The following PRDM1 variants were observed in gnomAD, a reference collection of about 807,000 sequenced individuals.
The protein encoded by PRDM1 is PR domain zinc finger protein 1.
A neutral mutation model predicts 62.8 loss-of-function variants in PRDM1; 13 were observed. That is an observed-to-expected ratio of 0.21 (90% CI 0.13 to 0.33). The LOEUF (loss-of-function observed/expected upper bound fraction) is 0.33. Among genes scored for constraint, PRDM1 ranks in the 10% least tolerant of loss-of-function variants. The pLI is 1.00. For synonymous variants in PRDM1, 396 were observed against 417.6 expected (o/e 0.95, Z 0.63); for missense variants, 895 against 1,058.8 (o/e 0.85, Z 2.15).
At chr6:106,098,712 C>T in intron 3 of PRDM1, 3 of 1,389,666 alleles carry the variant, frequency 2.2e-6, no homozygotes, top group Non-Finnish European at 2.9e-6. Flanking sequence ...CCCAGTGTTT[C>T]CACAAAAAGG....
At chr6:106,000,623 T>C (rs1312532214) in intron 1 of PRDM1, among the ~76,000 whole-genome samples, 1 of 152,066 alleles carries the variant, frequency 6.6e-6, no homozygotes, top group Non-Finnish European at 1.5e-5. Context: ...TATATTTGTA[T>C]GTATAGTAAT....
chr6:106,067,896 TA>T (rs1253631843), intron 1 of PRDM1, among the ~76,000 whole-genome samples: 13 of 152,200 alleles, frequency 8.5e-5, no homozygotes, highest in East Asian at 7.7e-4. Flanking sequence ...TAAACCACAA[TA>T]AAAAAATGTA....
At chr6:106,078,128 G>A (rs1418021406) in intron 1 of PRDM1, 2 of 152,222 alleles carry the variant, frequency 1.3e-5, no homozygotes, top group African/African-American at 4.8e-5. Flanking sequence ...TCCCTGCTGG[G>A]TGCTGCCAGA....
Position 106,107,933 on chromosome 6 carries a change from A to G in PRDM1, c.*447A>G. On this transcript the variant is annotated 3_prime_UTR_variant, in exon 7 of 7. Transcript: ENST00000369096. ...GAAAGATTCCTTGTAATTTGAGTAT[A>G]AATGTATTTTTGTCTTGTGGCCATT... The G allele has an allele frequency of 4.3e-6, 1 of 232,418 alleles. No individual in the cohort carries two copies. The highest frequency in any genetic ancestry group is 8.5e-6 in the Non-Finnish European group (1 of 117,342). The allele number at this position is 232,418 out of a possible 1,614,324, so 14.4% of individuals were successfully genotyped here. A position where few individuals can be genotyped will look rare whatever the true frequency, so the allele number is the denominator to read the frequency against.
chr6:106,077,340 G>C (rs1470879468), intron 1 of PRDM1, among the ~76,000 whole-genome samples: 1 of 152,164 alleles, frequency 6.6e-6, no homozygotes, highest in Non-Finnish European at 1.5e-5. Context: ...TAGCCTGGTA[G>C]GTAGAAGACC....
chr6:106,037,170 G>A (rs1038447364), intron 1 of PRDM1, among the ~76,000 whole-genome samples: 3 of 152,190 alleles, frequency 2.0e-5, no homozygotes, highest in African/African-American at 7.2e-5. Context: ...ATTCTTGGCT[G>A]AGGGTTTTTG....
chr6:106,004,305 GA>G (rs1220478914), intron 1 of PRDM1, among the ~76,000 whole-genome samples: 5 of 151,284 alleles, frequency 3.3e-5, no homozygotes, highest in Non-Finnish European at 5.9e-5. Context: ...ATTGAGGGTA[GA>G]AAAAAAACAG....
rs534763315 is a variant in PRDM1 at position 106,108,278 on chromosome 6, C to G, written c.*792C>G. 4.3e-6 allele frequency: 1 copy of G among 233,684 alleles called. No homozygotes were observed. Among genetic ancestry groups the G allele is most frequent in the Non-Finnish European group, 8.5e-6 (1 of 117,990 alleles). 14.5% of individuals were successfully genotyped at this position (233,684 alleles called of 1,614,324 possible). ...CGGAAGGGTGACAGGAAGGCTTTAC[C>G]AACCTGTCTCTCCCTCCAAAAGAGC... On this transcript the variant is annotated 3_prime_UTR_variant, in exon 7 of 7. Coordinates refer to ENST00000369096, the MANE Select transcript of PRDM1 (RefSeq NM_001198.4).
Position 106,069,395 on chromosome 6 carries a change from C to T in PRDM1, c.-66-18806C>T, listed in dbSNP as rs543798017. On this transcript the variant is annotated intron_variant, in intron 1 of 6. Coordinates refer to the PRDM1 transcript ENST00000651185. ...GTAGACTCATGCAACTCCAAAGTGG[C>T]GTTAAGTGTTAATAAATGAAAGCAT... 3.3e-4 allele frequency among the ~76,000 whole-genome samples: 50 copies of T among 152,028 alleles called. 1 individual carries two copies. Among genetic ancestry groups the T allele is most frequent in the Middle Eastern group, 6.8e-3 (2 of 294 alleles).
chr6:106,023,853 T>A (rs1310895076), intron 1 of PRDM1, among the ~76,000 whole-genome samples: 3 of 152,062 alleles, frequency 2.0e-5, no homozygotes, highest in African/African-American at 7.2e-5. Context: ...TTCAGAAAAA[T>A]TAGATTGGCC....
chr6:106,096,329 G>A (rs1368022883), intron 3 of PRDM1, among the ~76,000 whole-genome samples: 1 of 152,056 alleles, frequency 6.6e-6, no homozygotes, highest in Non-Finnish European at 1.5e-5. Flanking sequence ...TGTATTTTTA[G>A]TAGAGACGGG....
intron 1 of PRDM1, among the ~76,000 whole-genome samples, chr6:106,024,870 G>A (rs748648964): frequency 7.2e-5 from 11 of 152,078 alleles, no homozygotes; most frequent in Non-Finnish European, 1.5e-4. Flanking sequence ...CAGGTAACAT[G>A]TCCATGCTCA....
At chr6:106,029,688 C>T (rs1181145334) in intron 1 of PRDM1, among the ~76,000 whole-genome samples, 2 of 152,158 alleles carry the variant, frequency 1.3e-5, no homozygotes, top group Non-Finnish European at 1.5e-5. Flanking sequence ...TCACTGCAGC[C>T]TCAACCTCTC....
At chr6:106,082,370 C>T (rs1773707753), upstream of PRDM1, among the ~76,000 whole-genome samples, 1 of 152,034 alleles carries the variant, frequency 6.6e-6, no homozygotes, top group African/African-American at 2.4e-5. Flanking sequence ...TTTGGAAACC[C>T]CAAACCTTGG....
upstream of PRDM1, among the ~76,000 whole-genome samples, chr6:106,044,791 G>A (rs1773048660): frequency 6.6e-6 from 1 of 152,184 alleles, no homozygotes; most frequent in Non-Finnish European, 1.5e-5. Flanking sequence ...ACAAGGGAAA[G>A]CAAGAAAGTT....
chr6:105,995,545 G>A (rs1308453767), intron 1 of PRDM1, among the ~76,000 whole-genome samples: 1 of 151,842 alleles, frequency 6.6e-6, no homozygotes, highest in Non-Finnish European at 1.5e-5. Flanking sequence ...ACCTTCAGCT[G>A]TAACGTAATA....
At chr6:106,036,620 T>G (rs1366225747) in intron 1 of PRDM1, among the ~76,000 whole-genome samples, 1 of 152,088 alleles carries the variant, frequency 6.6e-6, no homozygotes, top group Admixed American at 6.5e-5. Context: ...TGTTTCTTAG[T>G]GTAACAGTCT....
intron 3 of PRDM1, 104 bp from the exon 4 acceptor site, chr6:106,099,196 G>T: frequency 6.2e-7 from 1 of 1,601,476 alleles, no homozygotes; most frequent in Non-Finnish European, 8.6e-7. Context: ...CTAGGCAGTA[G>T]GGGATCAGAA....
chr6:106,064,393 C>T (rs192015036), intron 1 of PRDM1, among the ~76,000 whole-genome samples: 1 of 152,188 alleles, frequency 6.6e-6, no homozygotes, highest in Non-Finnish European at 1.5e-5. Context: ...AGCGGGGAAA[C>T]TGTTGGGCAG....
Sources: gnomAD v4.1 joint callset for allele counts (sites outside exome capture counted in the v4.1 genomes callset) on GRCh38, gnomAD v4.1.1 for gene constraint, MANE v1.5 for transcripts, NCBI Gene and HGNC (gene_info 2026-07-23, HGNC 2026-07-21) for gene names.